ADGRL2: variants seen among roughly 807,000 people sequenced by gnomAD.
The protein encoded by ADGRL2 is calcium-independent alpha-latrotoxin receptor 2.
ADGRL2 carries 44 observed loss-of-function variants against 157.4 expected under a neutral mutation model. The ratio of observed to expected loss-of-function variants is 0.28; its 90% CI spans 0.22 to 0.36. The LOEUF (loss-of-function observed/expected upper bound fraction) is 0.36, where lower values mean the gene tolerates loss of function less well. ADGRL2 is among the 10% of genes least tolerant of loss of function. The pLI is 1.00. For synonymous variants in ADGRL2, 585 were observed against 624.7 expected, an observed-to-expected ratio of 0.94 and a Z score of 0.95; for missense variants, 1,510 against 1,768.9, an observed-to-expected ratio of 0.85 and a Z score of 2.63.
intron 2 of ADGRL2, among the ~76,000 whole-genome samples, chr1:81,552,887 A>G (rs1211230386): frequency 1.3e-5 from 2 of 152,224 alleles, no homozygotes; most frequent in Non-Finnish European, 2.9e-5. Flanking sequence ...AGTTTAAATT[A>G]CTATTCTTGA....
At chr1:81,664,647 A>T (rs1189857144) in intron 3 of ADGRL2, among the ~76,000 whole-genome samples, 1 of 152,220 alleles carries the variant, frequency 6.6e-6, no homozygotes, top group African/African-American at 2.4e-5. Context: ...CACACGCTGA[A>T]GTTTCCAAAA....
chr1:81,697,736 G>T (rs1451832801), upstream of ADGRL2, among the ~76,000 whole-genome samples: 1 of 152,178 alleles, frequency 6.6e-6, no homozygotes, highest in Non-Finnish European at 1.5e-5. Flanking sequence ...GTTGTAAGAG[G>T]TTTGATTAAA....
intron 2 of ADGRL2, among the ~76,000 whole-genome samples, chr1:81,521,830 TAC>T (rs2148169354): frequency 6.6e-6 from 1 of 152,324 alleles, no homozygotes; most frequent in South Asian, 2.1e-4. Context: ...GTATACAAAA[TAC>T]AGAGTATGAT....
chr1:81,626,703 T>C (rs1310427894), intron 3 of ADGRL2, among the ~76,000 whole-genome samples: 2 of 152,128 alleles, frequency 1.3e-5, no homozygotes, highest in African/African-American at 4.8e-5. Context: ...GCCAGGGCGG[T>C]GGATGTGGGA....
intron 3 of ADGRL2, among the ~76,000 whole-genome samples, chr1:81,662,715 C>T (rs1054779632): frequency 4.7e-5 from 7 of 150,074 alleles, no homozygotes; most frequent in Non-Finnish European, 7.4e-5. Context: ...CCACAGTGCC[C>T]GGCTAATTTT....
chr1:81,485,709 G>C (rs1002686019), intron 2 of ADGRL2, among the ~76,000 whole-genome samples: 1 of 152,102 alleles, frequency 6.6e-6, no homozygotes, highest in Non-Finnish European at 1.5e-5. Context: ...TAGGAAGGTT[G>C]CTAAGAAACA....
chr1:81,388,806 A>C (rs1417779428), intron 1 of ADGRL2, among the ~76,000 whole-genome samples: 2 of 152,128 alleles, frequency 1.3e-5, no homozygotes, highest in Non-Finnish European at 2.9e-5. Context: ...ATGCATCCCA[A>C]ATAAACCAAG....
intron 2 of ADGRL2, among the ~76,000 whole-genome samples, chr1:81,900,119 T>C (rs1385861055): frequency 6.6e-6 from 1 of 152,180 alleles, no homozygotes; most frequent in African/African-American, 2.4e-5. Flanking sequence ...TTGATAATAA[T>C]GTTACCTATC....
At chr1:81,406,326 T>C (rs2076853335) in intron 1 of ADGRL2, among the ~76,000 whole-genome samples, 1 of 152,224 alleles carries the variant, frequency 6.6e-6, no homozygotes, top group Admixed American at 6.5e-5. Flanking sequence ...TTAGTTTCGT[T>C]TGATCCTTCA....
intron 1 of ADGRL2, among the ~76,000 whole-genome samples, chr1:81,397,511 G>GGGTTTCACT (rs1006827279): frequency 2.0e-5 from 3 of 151,568 alleles, no homozygotes; most frequent in Admixed American, 2.0e-4. Context: ...AGTAGAGACG[G>GGGTTTCACT]GGTTTCACTG....
chr1:81,508,491 G>A (rs2079019304), intron 2 of ADGRL2, among the ~76,000 whole-genome samples: 1 of 152,190 alleles, frequency 6.6e-6, no homozygotes, highest in African/African-American at 2.4e-5. Context: ...TGTGAATGAG[G>A]AGACAAGGAA....
At chr1:81,987,751 C>A in intron 22 of ADGRL2, 118 bp from the exon 23 acceptor site, 1 of 214,582 alleles carries the variant, frequency 4.7e-6, no homozygotes, top group South Asian at 6.5e-5. Flanking sequence ...GAATATTTGC[C>A]ACTAAATTAA....
At chr1:81,566,867 A>C (rs1459402593) in intron 2 of ADGRL2, among the ~76,000 whole-genome samples, 1 of 152,162 alleles carries the variant, frequency 6.6e-6, no homozygotes, top group Non-Finnish European at 1.5e-5. Context: ...AGTTTGAAGA[A>C]ATTTCATAAT....
At chr1:81,852,032 T>C (rs1331993470) in intron 2 of ADGRL2, among the ~76,000 whole-genome samples, 1 of 152,026 alleles carries the variant, frequency 6.6e-6, no homozygotes, top group Non-Finnish European at 1.5e-5. Flanking sequence ...AAGTACTTGG[T>C]AACTAAAATG....
intron 2 of ADGRL2, among the ~76,000 whole-genome samples, chr1:81,774,939 A>G (rs1456595772): frequency 1.3e-5 from 2 of 152,194 alleles, no homozygotes; most frequent in African/African-American, 4.8e-5. Context: ...TATAAAACTG[A>G]TAAGTAGGTT....
intron 3 of ADGRL2, among the ~76,000 whole-genome samples, chr1:81,634,471 C>T (rs2082075578): frequency 6.6e-6 from 1 of 151,912 alleles, no homozygotes; most frequent in Non-Finnish European, 1.5e-5. Flanking sequence ...CATGTTCCCC[C>T]CACTATGCTC....
upstream of ADGRL2, among the ~76,000 whole-genome samples, chr1:81,798,353 G>T (rs1249757786): frequency 6.6e-6 from 1 of 151,964 alleles, no homozygotes; most frequent in Non-Finnish European, 1.5e-5. Context: ...CTTCTTTGTG[G>T]ATATACAAAG....
chr1:81,971,897 A>T lies in ADGRL2; in HGVS notation c.3000A>T (p.Gly1000=). 6.2e-7 allele frequency: 1 copy of T among 1,611,108 alleles called. No homozygotes were observed. The highest frequency in any genetic ancestry group is 8.5e-7 in the Non-Finnish European group (1 of 1,178,354). The change falls in exon 17 of 24, where the codon GGA becomes GGT. Residue 1000 remains glycine (G), a synonymous_variant. Coordinates refer to ENST00000686636, the MANE Select transcript of ADGRL2 (RefSeq NM_001366006.2). ...ACTACTTTATATGGAGCTTCATTGG[A>T]CCTGTTACCTTCATTATTCTGGTAA... ...VDNYFIWSFI[G]PVTFIILLNI...
At chr1:81,343,080 C>CTTTTTTTTTTTTTTTTTTTTTTT (rs1662196774) in intron 1 of ADGRL2, among the ~76,000 whole-genome samples, 1 of 111,350 alleles carries the variant, frequency 9.0e-6, no homozygotes, top group Middle Eastern at 4.7e-3. Flanking sequence ...TTCTTTTTTT[C>CTTTTTTTTTTTTTTTTTTTTTTT]TTTTTTCTTT....
Sources: gnomAD v4.1 joint callset for allele counts (sites outside exome capture counted in the v4.1 genomes callset) on GRCh38, gnomAD v4.1.1 for gene constraint, MANE v1.5 for transcripts, NCBI Gene and HGNC (gene_info 2026-07-23, HGNC 2026-07-21) for gene names.